The following EYS variants were observed in gnomAD, a reference collection of about 807,000 sequenced individuals.
EYS encodes the protein protein eyes shut homolog.
EYS carries 250 observed loss-of-function variants against 282.1 expected under a neutral mutation model. The ratio of observed to expected loss-of-function variants is 0.89; its 90% CI spans 0.80 to 0.98. EYS has a LOEUF of 0.98. EYS is among the 50% of genes least tolerant of loss of function. The probability of loss-of-function intolerance (pLI) is 0.00; values close to 1 mark genes in which losing one functional copy is unlikely to be tolerated. For missense variants in EYS, 4,016 were observed against 3,709.0 expected (o/e 1.08, Z -2.15); for synonymous variants, 1,355 against 1,282.9 (o/e 1.06, Z -1.20).
chr6:64,755,252 T>G (rs182995959), intron 22 of EYS, among the ~76,000 whole-genome samples: 296 of 152,132 alleles, frequency 1.9e-3, no homozygotes, highest in Non-Finnish European at 3.9e-3. Context: ...GTGAAAGATC[T>G]CTACAAGACA....
intron 41 of EYS, among the ~76,000 whole-genome samples, chr6:63,736,863 T>A (rs1768927036): frequency 6.6e-6 from 1 of 151,978 alleles, no homozygotes; most frequent in East Asian, 1.9e-4. Context: ...TGAATGGGAG[T>A]TCACTCATGA....
At chr6:64,610,473 G>T (rs545576525) in intron 24 of EYS, among the ~76,000 whole-genome samples, 2 of 144,534 alleles carry the variant, frequency 1.4e-5, no homozygotes, top group African/African-American at 2.6e-5. Flanking sequence ...GCAAGATCTC[G>T]GCTCACTGCC....
At chr6:64,918,678 G>T (rs1281942816) in intron 15 of EYS, among the ~76,000 whole-genome samples, 2 of 151,942 alleles carry the variant, frequency 1.3e-5, no homozygotes, top group Non-Finnish European at 2.9e-5. Flanking sequence ...TTAGTAAGCA[G>T]ATGAGGCAGA....
chr6:65,108,276 G>A (rs372657862), intron 12 of EYS, among the ~76,000 whole-genome samples: 33 of 149,454 alleles, frequency 2.2e-4, no homozygotes, highest in African/African-American at 7.0e-4. Context: ...TATAGAATTT[G>A]AGGTTGACTT....
chr6:65,466,253 T>G (rs1389275951), intron 5 of EYS, among the ~76,000 whole-genome samples: 3 of 152,092 alleles, frequency 2.0e-5, no homozygotes, highest in African/African-American at 7.2e-5. Flanking sequence ...TAAGATAATA[T>G]TTTATTGAAG....
chr6:64,264,019 A>G (rs1767674661), intron 30 of EYS, among the ~76,000 whole-genome samples: 1 of 152,156 alleles, frequency 6.6e-6, no homozygotes, highest in African/African-American at 2.4e-5. Flanking sequence ...ATGTATTTAC[A>G]TGTTGCATAG....
chr6:63,879,002 T>C (rs926294557), intron 35 of EYS, among the ~76,000 whole-genome samples: 12 of 152,188 alleles, frequency 7.9e-5, no homozygotes, highest in African/African-American at 2.9e-4. Context: ...AACCCGGTAC[T>C]TCAGGTGCAA....
intron 24 of EYS, 131 bp from the exon 25 acceptor site, chr6:64,593,440 T>C: frequency 4.8e-6 from 3 of 618,940 alleles, no homozygotes; most frequent in Non-Finnish European, 7.6e-6. Context: ...ATATTTTACT[T>C]GAAAATTAAA....
At chr6:63,936,843 C>A (rs1226646632) in intron 35 of EYS, among the ~76,000 whole-genome samples, 2 of 152,108 alleles carry the variant, frequency 1.3e-5, no homozygotes, top group Non-Finnish European at 2.9e-5. Flanking sequence ...CTGCGTGTCA[C>A]CAGGAAGCAA....
chr6:64,890,056 C>A (rs182752509), intron 18 of EYS, among the ~76,000 whole-genome samples: 8 of 139,158 alleles, frequency 5.7e-5, no homozygotes, highest in Middle Eastern at 3.8e-3. Flanking sequence ...CCCCCCCCCC[C>A]CAAGGTGTGC....
chr6:65,377,946 C>A (rs1024933933), intron 8 of EYS, among the ~76,000 whole-genome samples: 10 of 152,182 alleles, frequency 6.6e-5, no homozygotes, highest in East Asian at 5.8e-4. Context: ...AAGGACCAGA[C>A]GAATTCACAG....
At chr6:63,795,861 A>G (rs1002127804) in intron 37 of EYS, among the ~76,000 whole-genome samples, 1 of 152,206 alleles carries the variant, frequency 6.6e-6, no homozygotes, top group African/African-American at 2.4e-5. Flanking sequence ...AGAGAGAAAC[A>G]TAACAAGGAG....
intron 22 of EYS, among the ~76,000 whole-genome samples, chr6:64,782,559 G>T (rs976973271): frequency 1.3e-5 from 2 of 151,980 alleles, no homozygotes; most frequent in African/African-American, 4.8e-5. Flanking sequence ...TTTAAGCTAG[G>T]ATAAGTGCAT....
chr6:64,094,829 C>G (rs1772525925), intron 31 of EYS, among the ~76,000 whole-genome samples: 1 of 152,084 alleles, frequency 6.6e-6, no homozygotes, highest in South Asian at 2.1e-4. Flanking sequence ...TTCTCTAGTT[C>G]TTGTAATTGT....
intron 29 of EYS, among the ~76,000 whole-genome samples, chr6:64,321,055 T>C (rs1770202695): frequency 6.6e-6 from 1 of 151,836 alleles, no homozygotes; most frequent in African/African-American, 2.4e-5. Flanking sequence ...TATTCTGTTA[T>C]TGACTTTCAA....
chr6:63,886,797 T>C (rs905555617), intron 35 of EYS, among the ~76,000 whole-genome samples: 1 of 152,144 alleles, frequency 6.6e-6, no homozygotes, highest in Admixed American at 6.5e-5. Flanking sequence ...TGCTATAAAA[T>C]TGAGTGCTGA....
At chr6:64,554,329 A>C (rs572801649) in intron 26 of EYS, among the ~76,000 whole-genome samples, 16 of 152,246 alleles carry the variant, frequency 1.1e-4, no homozygotes, top group Non-Finnish European at 1.8e-4. Context: ...ATAGTATTCC[A>C]ATTTGTTTCA....
At chr6:64,833,611 G>A (rs778939168) in intron 19 of EYS, among the ~76,000 whole-genome samples, 23 of 151,834 alleles carry the variant, frequency 1.5e-4, no homozygotes, top group Non-Finnish European at 5.9e-5. Flanking sequence ...CAACAAAAAT[G>A]TGTCTCATAT....
intron 22 of EYS, among the ~76,000 whole-genome samples, chr6:64,702,429 TA>T (rs1414056265): frequency 4.6e-5 from 7 of 152,108 alleles, no homozygotes; most frequent in African/African-American, 1.7e-4. Flanking sequence ...AACTGTATAA[TA>T]TAGACATTAA....
Sources: gnomAD v4.1 joint callset for allele counts (sites outside exome capture counted in the v4.1 genomes callset) on GRCh38, gnomAD v4.1.1 for gene constraint, MANE v1.5 for transcripts, NCBI Gene and HGNC (gene_info 2026-07-23, HGNC 2026-07-21) for gene names.